FAM234A: variants seen among roughly 807,000 people sequenced by gnomAD.
The protein encoded by FAM234A is protein FAM234A.
A neutral mutation model predicts 49.1 loss-of-function variants in FAM234A; 42 were observed. The observed-to-expected ratio is 0.86, with a 90% CI of 0.67 to 1.11. FAM234A has a LOEUF of 1.11. Ranked by LOEUF, FAM234A falls within the 50% of genes least tolerant of loss-of-function variation. The probability of loss-of-function intolerance (pLI) is 0.00; values close to 1 mark genes in which losing one functional copy is unlikely to be tolerated. For synonymous variants in FAM234A, 369 were observed against 316.2 expected, an observed-to-expected ratio of 1.17 and a Z score of -1.77; for missense variants, 815 against 745.2, an observed-to-expected ratio of 1.09 and a Z score of -1.09.
intron 1 of FAM234A, among the ~76,000 whole-genome samples, chr16:238,441 C>G (rs1256246585): frequency 2.0e-5 from 3 of 152,074 alleles, no homozygotes; most frequent in East Asian, 3.9e-4. Context: ...TTAGCTAGGG[C>G]CAGGCCTAAT....
At chr16:239,344 T>G (rs936022874) in intron 1 of FAM234A, among the ~76,000 whole-genome samples, 8 of 150,334 alleles carry the variant, frequency 5.3e-5, no homozygotes, top group Admixed American at 4.0e-4. Flanking sequence ...CCGGATGCGG[T>G]GGCTCACGCC....
downstream of FAM234A, chr16:268,757 C>T: frequency 6.5e-7 from 1 of 1,548,602 alleles, no homozygotes. Flanking sequence ...GCACGGCACT[C>T]TCTTGGGTCC....
At chr16:258,895 G>T (rs532589298) in intron 3 of FAM234A, among the ~76,000 whole-genome samples, 47 of 152,308 alleles carry the variant, frequency 3.1e-4, no homozygotes, top group African/African-American at 1.1e-3. Context: ...CGATTCTTGT[G>T]CCTCAGCCTC....
At chr16:266,514 A>T (rs1424750664), downstream of FAM234A, among the ~76,000 whole-genome samples, 1 of 152,046 alleles carries the variant, frequency 6.6e-6, no homozygotes, top group Admixed American at 6.5e-5. Context: ...CTTCCCGGAG[A>T]TGCAGCTTTG....
intron 3 of FAM234A, among the ~76,000 whole-genome samples, chr16:256,190 G>A (rs540041867): frequency 6.2e-4 from 95 of 152,088 alleles, no homozygotes; most frequent in Non-Finnish European, 1.1e-3. Flanking sequence ...TCTTCGTGTG[G>A]ATATGTTTTC....
chr16:264,275 C>A, intron 11 of FAM234A, 104 bp downstream of exon 11: 1 of 1,225,182 alleles, frequency 8.2e-7, no homozygotes. Flanking sequence ...GCCTGGGCAA[C>A]CTCACATAAG....
At position 244,100 on chromosome 16, in the gene FAM234A, C is replaced by T. The variant is rs576412009; in HGVS notation, c.-139-5449C>T. On this transcript the variant is annotated intron_variant, in intron 1 of 12. Transcript: ENST00000399932. The stretch of plus-strand genomic sequence containing the variant: ...TCTCCTGCCTCAGCCTCCTGAGTAG[C>T]TGGGACTACAGGCACCCGCCACCAC... Among the ~76,000 whole-genome samples the T allele has an allele frequency of 9.9e-5, 15 of 152,142 alleles. No homozygotes were observed. The South Asian group carries it at 3.1e-3, about 32-fold the overall frequency.
In FAM234A at chr16:265,255, C is replaced by G; in HGVS notation, c.*233C>G. On this transcript the variant is annotated 3_prime_UTR_variant, in exon 13 of 13. Transcript: ENST00000399932. Reference sequence around the variant, plus strand: ...CCAGCATCCTCCCTGAGTCCCCACACAGGGCCTCACTCTGCACCCCACCAG... The same window carrying G: ...CCAGCATCCTCCCTGAGTCCCCACAGAGGGCCTCACTCTGCACCCCACCAG... The G allele has an allele frequency of 1.5e-6, 2 of 1,360,354 alleles. No homozygotes were observed. The highest frequency in any genetic ancestry group is 1.9e-6 in the Non-Finnish European group (2 of 1,057,984). 84.3% of individuals were successfully genotyped at this position (1,360,354 alleles called of 1,614,324 possible). A position where few individuals can be genotyped will look rare whatever the true frequency, so the allele number is the denominator to read the frequency against.
intron 9 of FAM234A, 70 bp from the exon 10 acceptor site, chr16:263,629 TC>T: frequency 7.3e-7 from 1 of 1,363,788 alleles, no homozygotes; most frequent in East Asian, 2.3e-5. Context: ...GCGGACGTGT[TC>T]CTGGGTGCTT....
At chr16:261,913 G>C (rs958547433) in intron 6 of FAM234A, among the ~76,000 whole-genome samples, 180 bp from the exon 7 acceptor site, 1 of 152,150 alleles carries the variant, frequency 6.6e-6, no homozygotes, top group Non-Finnish European at 1.5e-5. Context: ...AGAGCCTGTG[G>C]GCCCCTTACC....
At chr16:260,576 T>C (rs986133828) in intron 5 of FAM234A, 4 of 476,502 alleles carry the variant, frequency 8.4e-6, no homozygotes, top group Non-Finnish European at 1.7e-5. Flanking sequence ...CCCCTAAGCC[T>C]GAAGGTGCAG....
intron 1 of FAM234A, among the ~76,000 whole-genome samples, chr16:244,825 T>C (rs1344396830): frequency 3.3e-5 from 5 of 150,512 alleles, no homozygotes; most frequent in Admixed American, 6.6e-5. Flanking sequence ...GTAGCTGGGA[T>C]TACAGGCATG....
downstream of FAM234A, chr16:268,777 C>T (rs141970551): frequency 3.0e-4 from 461 of 1,549,966 alleles, 3 homozygotes; most frequent in African/African-American, 5.6e-3. Context: ...CTCTTCCAGG[C>T]TCACACTGGG....
intron 1 of FAM234A, among the ~76,000 whole-genome samples, chr16:241,150 C>T (rs1031060041): frequency 2.6e-5 from 4 of 151,860 alleles, no homozygotes; most frequent in East Asian, 1.9e-4. Context: ...CGAACTCCTG[C>T]GCTCGAGTGA....
chr16:265,050 G>T lies in FAM234A; in HGVS notation c.*28G>T. On this transcript the variant is annotated 3_prime_UTR_variant, in exon 13 of 13. Coordinates refer to ENST00000399932, the MANE Select transcript of FAM234A (RefSeq NM_032039.4). The stretch of plus-strand genomic sequence containing the variant: ...GCACGCCAGCCAGAGCCTGTGGAGA[G>T]ACTCCGCCTGCTGACACTAAACGTC... The T allele has an allele frequency of 1.3e-6, 2 of 1,568,990 alleles. No homozygotes were observed. Among genetic ancestry groups the T allele is most frequent in the Non-Finnish European group, 8.7e-7 (1 of 1,154,734 alleles).
At position 264,619 on chromosome 16, in the gene FAM234A, C is replaced by T. The variant is rs371609436; in HGVS notation, c.1350C>T (p.Thr450=). 98 of 1,608,440 alleles carry T rather than the reference C, an allele frequency of 6.1e-5. No homozygotes were observed. Among genetic ancestry groups the T allele is most frequent in the African/African-American group, 5.7e-4 (43 of 74,984 alleles). The change falls in exon 12 of 13, where the codon ACC becomes ACT. Residue 450 remains threonine, a synonymous_variant. Coordinates refer to ENST00000399932, the MANE Select transcript of FAM234A (RefSeq NM_032039.4). ...HELGSTSETE[T]GEARHSLYMF... is the part of the protein sequence containing the mutation. Reference sequence around the variant, plus strand: ...ATTGCTGGTTCTCGCTCCAGGAGACCGGGGAGGCCCGGCACAGCCTGTACA... The same window carrying T: ...ATTGCTGGTTCTCGCTCCAGGAGACTGGGGAGGCCCGGCACAGCCTGTACA...
intron 2 of FAM234A, among the ~76,000 whole-genome samples, chr16:250,085 C>T (rs1490950242): frequency 6.6e-6 from 1 of 152,182 alleles, no homozygotes; most frequent in East Asian, 1.9e-4. Flanking sequence ...GCGCATGCCG[C>T]CACACCCAGC....
At chr16:236,258 CTT>C (rs1469805613) in intron 1 of FAM234A, among the ~76,000 whole-genome samples, 1 of 151,770 alleles carries the variant, frequency 6.6e-6, no homozygotes, top group Non-Finnish European at 1.5e-5. Flanking sequence ...AACTGGCCCT[CTT>C]TTTTTCCTTT....
At chr16:257,830 G>T (rs1233182853) in intron 3 of FAM234A, among the ~76,000 whole-genome samples, 1 of 151,910 alleles carries the variant, frequency 6.6e-6, no homozygotes, top group Non-Finnish European at 1.5e-5. Flanking sequence ...TAAAATAAGG[G>T]GGACGGGGTT....
Sources: allele counts gnomAD v4.1 joint callset (sites outside exome capture counted in the v4.1 genomes callset), GRCh38; gene constraint gnomAD v4.1.1; transcripts MANE v1.5; gene names NCBI Gene and HGNC (gene_info 2026-07-23, HGNC 2026-07-21).